The following OLFML2B variants were observed in gnomAD, a reference collection of about 807,000 sequenced individuals.
OLFML2B encodes olfactomedin-like protein 2B.
A neutral mutation model predicts 74.9 loss-of-function variants in OLFML2B; 57 were observed. The ratio of observed to expected loss-of-function variants is 0.76; its 90% CI spans 0.61 to 0.95. The LOEUF is 0.95. Ranked by LOEUF, OLFML2B falls within the 40% of genes least tolerant of loss-of-function variation. The probability of loss-of-function intolerance (pLI) is 0.00; values close to 1 mark genes in which losing one functional copy is unlikely to be tolerated. For missense variants in OLFML2B, 986 were observed against 970.6 expected (o/e 1.02, Z -0.21); for synonymous variants, 388 against 405.8 (o/e 0.96, Z 0.53).
intron 6 of OLFML2B, among the ~76,000 whole-genome samples, chr1:161,994,276 T>G (rs1266337373): frequency 6.6e-6 from 1 of 152,216 alleles, no homozygotes; most frequent in East Asian, 1.9e-4. Flanking sequence ...TTCCTTGGGC[T>G]GCCCCAGACC....
intron 4 of OLFML2B, 60 bp from the exon 5 acceptor site, chr1:162,000,398 G>T: frequency 6.9e-7 from 1 of 1,451,642 alleles, no homozygotes; most frequent in Non-Finnish European, 9.5e-7. Context: ...GCAGTGGGCA[G>T]GTGGGGGCAA....
intron 3 of OLFML2B, among the ~76,000 whole-genome samples, chr1:162,016,445 C>A (rs1173378550): frequency 6.6e-6 from 1 of 152,138 alleles, no homozygotes; most frequent in Non-Finnish European, 1.5e-5. Context: ...TTCATGATAG[C>A]CCCCCAAAAG....
At chr1:162,006,536 G>A (rs1005869782) in intron 3 of OLFML2B, 63 bp from the exon 4 acceptor site, 1 of 1,315,380 alleles carries the variant, frequency 7.6e-7, no homozygotes, top group Non-Finnish European at 1.0e-6. Flanking sequence ...GAGGCAGCTA[G>A]CAGCCATCTT....
intron 3 of OLFML2B, among the ~76,000 whole-genome samples, chr1:162,011,155 G>T (rs1690369499): frequency 6.6e-6 from 1 of 152,158 alleles, no homozygotes; most frequent in Admixed American, 6.5e-5. Context: ...GGCAAACCCT[G>T]GCCCCAAGTC....
Position 162,000,291 on chromosome 1 carries a change from G to A in OLFML2B, c.771C>T (p.Asn257=). 6.2e-7 allele frequency: 1 copy of A among 1,613,342 alleles called. No homozygotes were observed. Among genetic ancestry groups the A allele is most frequent in the Non-Finnish European group, 8.5e-7 (1 of 1,180,022 alleles). ...LQEETVSQQI[N]SIELLQTRPL... ...GTCGCGTCTGCAGAAGTTCGATGGA[G>A]TTGATCTGCTGGGACACGGTTTCTT... The change falls in exon 5 of 8, where the codon AAC becomes AAT. Residue 257 remains asparagine (N), a synonymous_variant. Transcript: ENST00000294794.
At chr1:162,021,054 G>C (rs1335552915) in intron 1 of OLFML2B, among the ~76,000 whole-genome samples, 1 of 152,218 alleles carries the variant, frequency 6.6e-6, no homozygotes, top group African/African-American at 2.4e-5. Context: ...AGAGTGATAA[G>C]TGCCCCCGAA....
intron 2 of OLFML2B, among the ~76,000 whole-genome samples, chr1:162,018,067 T>A (rs757352405): frequency 1.4e-4 from 22 of 152,034 alleles, no homozygotes; most frequent in Non-Finnish European, 2.9e-4. Context: ...CACTTATAGG[T>A]GGGAGCTAAA....
intron 4 of OLFML2B, among the ~76,000 whole-genome samples, chr1:162,003,462 G>C (rs1259978953): frequency 6.6e-6 from 1 of 152,230 alleles, no homozygotes; most frequent in African/African-American, 2.4e-5. Context: ...CAGCCAAGGA[G>C]ATGGAGCAAG....
chr1:161,985,102 C>T lies in OLFML2B; in HGVS notation c.1475-122G>A, dbSNP rs573056151. ...GGCAGGCTTTAACAGCCCTGTATAACCTGACCCCAAACATTTTTCCACACC... is the reference window on the plus strand; with the variant it reads ...GGCAGGCTTTAACAGCCCTGTATAATCTGACCCCAAACATTTTTCCACACC... On this transcript the variant is annotated intron_variant, in intron 6 of 7. Coordinates refer to ENST00000294794, the MANE Select transcript of OLFML2B (RefSeq NM_015441.3). 1.8e-5 allele frequency: 17 copies of T among 970,734 alleles called. No homozygotes were observed. In the South Asian group the frequency reaches 3.0e-4, roughly 17 times the overall value. The allele number at this position is 970,734 out of a possible 1,614,324, so 60.1% of individuals were successfully genotyped here.
Position 161,998,187 on chromosome 1 carries a change from C to G in OLFML2B, c.1112G>C (p.Trp371Ser). Residue 371 changes from tryptophan (W) to serine (S), a missense_variant, in exon 6 of 8, where the codon TGG (tryptophan) becomes TCG (serine). Coordinates refer to ENST00000294794, the MANE Select transcript of OLFML2B (RefSeq NM_015441.3). ...TSDLNARTAPWSSALPQPSTS... is the reference protein window; with the variant it reads ...TSDLNARTAPSSSALPQPSTS... ...CGAGGGCTGTGGCAGTGCTGAGGAC[C>G]AGGGTGCGGTCCGAGCGTTCAGGTC... 2 of 1,614,062 alleles carry G rather than the reference C, an allele frequency of 1.2e-6. No individual in the cohort carries two copies.
intron 6 of OLFML2B, among the ~76,000 whole-genome samples, chr1:161,997,427 TC>T (rs1288256959): frequency 3.3e-5 from 5 of 152,084 alleles, no homozygotes; most frequent in Admixed American, 1.3e-4. Context: ...TCTGAGACTT[TC>T]CCCCCAGTAA....
At position 161,983,473 on chromosome 1, in the gene OLFML2B, T is replaced by C; in HGVS notation, c.*202A>G. 2 of 497,052 alleles carry C rather than the reference T, an allele frequency of 4.0e-6. No individual in the cohort carries two copies. Among genetic ancestry groups the C allele is most frequent in the East Asian group, 3.4e-5 (1 of 29,310 alleles). 30.8% of individuals were successfully genotyped at this position (497,052 alleles called of 1,614,324 possible). ...GCACAAAAATATAAACTGGGGAGGA[T>C]GAGACCAGCACATACACGTATGGAT... On this transcript the variant is annotated 3_prime_UTR_variant, in exon 8 of 8. Coordinates refer to ENST00000294794, the MANE Select transcript of OLFML2B (RefSeq NM_015441.3).
chr1:161,993,277 C>T (rs1434320605), intron 6 of OLFML2B, among the ~76,000 whole-genome samples: 1 of 152,174 alleles, frequency 6.6e-6, no homozygotes, highest in Non-Finnish European at 1.5e-5. Context: ...AGCTAATTTC[C>T]CCTGATGCTA....
At chr1:162,008,015 C>T (rs570422388) in intron 3 of OLFML2B, among the ~76,000 whole-genome samples, 15 of 152,218 alleles carry the variant, frequency 9.9e-5, no homozygotes, top group African/African-American at 2.2e-4. Context: ...GTGATCTTCC[C>T]GGGTGCGCAG....
chr1:161,991,264 T>C (rs972587041), intron 6 of OLFML2B, among the ~76,000 whole-genome samples: 9 of 152,248 alleles, frequency 5.9e-5, no homozygotes, highest in East Asian at 1.9e-4. Flanking sequence ...ATGGCAGCTA[T>C]AGCCTTACAA....
rs756692798 is a variant in OLFML2B at position 161,984,090 on chromosome 1, C to A, written c.1838G>T (p.Arg613Leu). 1 of 1,612,470 alleles carries A rather than the reference C, an allele frequency of 6.2e-7. No individual in the cohort carries two copies. The highest frequency in any genetic ancestry group is 1.1e-5 in the South Asian group (1 of 90,950). The change falls in exon 8 of 8, where the codon CGA becomes CTA. Residue 613 changes from arginine (R) to leucine (L), a missense_variant. Transcript: ENST00000294794. ...DVAYEEATPW[R>L]WQGHSDVDFA... Reference sequence around the variant, plus strand: ...GTCCACGTCTGAGTGGCCCTGCCATCGCCAGGGGGTGGCCTCCTCGTAGGC... The same window carrying A: ...GTCCACGTCTGAGTGGCCCTGCCATAGCCAGGGGGTGGCCTCCTCGTAGGC...
rs535973053 is a variant in OLFML2B at position 161,991,506 on chromosome 1, A to C, written c.1474+6319T>G. On this transcript the variant is annotated intron_variant, in intron 6 of 7. Transcript: ENST00000294794. ...TCCCAGCACTTTGGGAGGCCGAGGC[A>C]GGCGGATCACTTGAGTTTGGGAGTT... is the stretch of plus-strand genomic sequence containing the variant. Among the ~76,000 whole-genome samples, 8 of 152,296 alleles carry C rather than the reference A, an allele frequency of 5.3e-5. No individual in the cohort carries two copies. The South Asian group carries it at 1.0e-3, about 20-fold the overall frequency.
At position 161,983,632 on chromosome 1, in the gene OLFML2B, T is replaced by C. The variant is rs779162483; in HGVS notation, c.*43A>G. The C allele has an allele frequency of 5.1e-6, 8 of 1,573,724 alleles. No homozygotes were observed. Among genetic ancestry groups the C allele is most frequent in the Non-Finnish European group, 6.9e-6 (8 of 1,156,304 alleles). ...TGCGCGCACACACATACACACAAGG[T>C]GCTAGTGACCCCTCTGTGCTTCTGC... On this transcript the variant is annotated 3_prime_UTR_variant, in exon 8 of 8. Coordinates refer to ENST00000294794, the MANE Select transcript of OLFML2B (RefSeq NM_015441.3).
At chr1:162,014,358 T>G (rs947153637) in intron 3 of OLFML2B, among the ~76,000 whole-genome samples, 1 of 152,216 alleles carries the variant, frequency 6.6e-6, no homozygotes, top group Non-Finnish European at 1.5e-5. Flanking sequence ...TCCTTCCTCT[T>G]TCATCTGCAA....
Sources: gnomAD v4.1 joint callset for allele counts (sites outside exome capture counted in the v4.1 genomes callset) on GRCh38, gnomAD v4.1.1 for gene constraint, MANE v1.5 for transcripts, NCBI Gene and HGNC (gene_info 2026-07-23, HGNC 2026-07-21) for gene names.